Variants in NOTO observed in about 807,000 individuals in gnomAD.
NOTO encodes the protein homeobox protein notochord.
Under a neutral mutation model 20.5 loss-of-function variants are expected in NOTO, and 19 were observed. The ratio of observed to expected loss-of-function variants is 0.93; its 90% CI spans 0.65 to 1.36. NOTO has a LOEUF of 1.36. Among genes scored for constraint, NOTO ranks in the 40% most tolerant of loss-of-function variants. The pLI is 0.00. For missense variants in NOTO, 369 were observed against 336.2 expected (o/e 1.10, Z -0.76); for synonymous variants, 150 against 150.2 (o/e 1.00, Z 0.01).
chr2:73,206,501 A>C (rs897676517), intron 1 of NOTO, among the ~76,000 whole-genome samples: 15 of 151,970 alleles, frequency 9.9e-5, no homozygotes, highest in African/African-American at 3.6e-4. Context: ...ACCACACCTG[A>C]CTAATTTTTG....
rs1414794789 is a variant in NOTO, at chr2:73,202,801, C to G, written c.135C>G (p.Phe45Leu). 3.3e-6 allele frequency: 5 copies of G among 1,526,516 alleles called. No homozygotes were observed. The African/African-American group carries it at 7.0e-5, about 22-fold the overall frequency. 94.6% of individuals were successfully genotyped at this position (1,526,516 alleles called of 1,614,324 possible). ...ACACGCCCCGCGCTCCCGGACGCTT[C>G]GAGTCCCCTTTCTCGGTCGAGGCCA... is the stretch of plus-strand genomic sequence containing the variant. ...GPNTPRAPGR[F>L]ESPFSVEAIL... The change falls in exon 1 of 3, where the codon TTC (phenylalanine) becomes TTG (leucine). Residue 45 changes from phenylalanine to leucine, a missense_variant. Transcript: ENST00000398468.
chr2:73,209,431 C>T (rs947927448), intron 2 of NOTO, among the ~76,000 whole-genome samples: 6 of 152,132 alleles, frequency 3.9e-5, no homozygotes, highest in African/African-American at 1.4e-4. Flanking sequence ...CTCTAATAAC[C>T]TCCATGTTGC....
intron 1 of NOTO, 63 bp from the exon 2 acceptor site, chr2:73,208,336 AG>A: frequency 8.8e-7 from 1 of 1,135,532 alleles, no homozygotes; most frequent in Non-Finnish European, 1.3e-6. Flanking sequence ...ATGGGAGTGC[AG>A]GGGGCTTCTG....
chr2:73,202,783 C>T lies in NOTO; in HGVS notation c.117C>T (p.Pro39=), dbSNP rs1349635278. The T allele has an allele frequency of 6.6e-7, 1 of 1,524,322 alleles. No individual in the cohort carries two copies. The highest frequency in any genetic ancestry group is 1.4e-5 in the African/African-American group (1 of 70,428). The allele number at this position is 1,524,322 out of a possible 1,614,324, so 94.4% of individuals were successfully genotyped here. A position where few individuals can be genotyped will look rare whatever the true frequency, so the allele number is the denominator to read the frequency against. ...GGTCCCCTACTGGCCCGAACACGCC[C>T]CGCGCTCCCGGACGCTTCGAGTCCC... ...APRSPTGPNT[P]RAPGRFESPF... is the part of the protein sequence containing the mutation. The change falls in exon 1 of 3, where the codon CCC becomes CCT. Residue 39 remains proline (P), a synonymous_variant. Transcript: ENST00000398468.
chr2:73,208,301 G>T, intron 1 of NOTO, 99 bp from the exon 2 acceptor site: 2 of 734,128 alleles, frequency 2.7e-6, no homozygotes, highest in East Asian at 5.4e-5. Context: ...TAGCAGAGCT[G>T]TGTGTGCCTT....
intron 1 of NOTO, among the ~76,000 whole-genome samples, chr2:73,205,886 A>G (rs1165931751): frequency 1.3e-5 from 2 of 152,086 alleles, no homozygotes; most frequent in African/African-American, 2.4e-5. Flanking sequence ...GGCATGCGCT[A>G]CCATACTCGA....
chr2:73,209,585 A>C (rs920230046), intron 2 of NOTO, among the ~76,000 whole-genome samples: 2 of 152,144 alleles, frequency 1.3e-5, no homozygotes, highest in African/African-American at 4.8e-5. Flanking sequence ...TTTTCCTCCC[A>C]GCTCTGCCTC....
At position 73,208,389 on chromosome 2, in the gene NOTO, T is replaced by C; in HGVS notation, c.383-11T>C. The C allele has an allele frequency of 6.5e-7, 1 of 1,545,752 alleles. No homozygotes were observed. The highest frequency in any genetic ancestry group is 8.8e-7 in the Non-Finnish European group (1 of 1,142,040). On this transcript the variant is annotated splice_polypyrimidine_tract_variant and intron_variant, in intron 1 of 2. Coordinates refer to ENST00000398468, the MANE Select transcript of NOTO (RefSeq NM_001134462.2). ...GCTGGATAACCTCCCCTGCTGCTGG[T>C]TGCTCTTTAGGGTTGGAGCTGGCTC...
At chr2:73,203,569 T>C (rs541922162) in intron 1 of NOTO, among the ~76,000 whole-genome samples, 1 of 152,304 alleles carries the variant, frequency 6.6e-6, no homozygotes, top group South Asian at 2.1e-4. Flanking sequence ...CCGCCTCCAC[T>C]GCTCACGTCT....
chr2:73,206,668 G>C (rs978477164), intron 1 of NOTO, among the ~76,000 whole-genome samples: 2 of 151,814 alleles, frequency 1.3e-5, no homozygotes, highest in African/African-American at 2.4e-5. Flanking sequence ...GACATCTCTG[G>C]AAGTAGGGAT....
chr2:73,208,697 G>A, intron 2 of NOTO, 83 bp downstream of exon 2: 1 of 863,270 alleles, frequency 1.2e-6, no homozygotes, highest in Non-Finnish European at 1.9e-6. Context: ...GAGGGTGGGA[G>A]GAAGATATGG....
chr2:73,208,681 T>C (rs1686125754), intron 2 of NOTO, 67 bp downstream of exon 2: 2 of 1,043,526 alleles, frequency 1.9e-6, no homozygotes, highest in Non-Finnish European at 1.4e-6. Context: ...AGCAAGGCCC[T>C]AAAAGGAGGG....
chr2:73,210,847 A>G lies in NOTO; in HGVS notation c.674A>G (p.Glu225Gly), dbSNP rs967569433. 14 of 1,551,494 alleles carry G rather than the reference A, an allele frequency of 9.0e-6. No homozygotes were observed. Among genetic ancestry groups the G allele is most frequent in the Admixed American group, 2.0e-5 (1 of 50,976 alleles). ...QKLRAAVTSA[E>G]AASLDEPSSS... ...CTGAGGGCAGCAGTTACATCTGCCG[A>G]GGCTGCCTCCCTGGATGAGCCTTCC... The change falls in exon 3 of 3, where the codon GAG (glutamate) becomes GGG (glycine). Residue 225 changes from glutamate (E) to glycine (G), a missense_variant. Coordinates refer to ENST00000398468, the MANE Select transcript of NOTO (RefSeq NM_001134462.2).
chr2:73,209,217 G>C (rs1185698769), intron 2 of NOTO, among the ~76,000 whole-genome samples: 1 of 150,208 alleles, frequency 6.7e-6, no homozygotes, highest in Non-Finnish European at 1.5e-5. Flanking sequence ...AAATTAAGTA[G>C]ATATTAAAGA....
chr2:73,209,190 A>G lies in NOTO; in HGVS notation c.597+576A>G, dbSNP rs182926298. On this transcript the variant is annotated intron_variant, in intron 2 of 2. Transcript: ENST00000398468. The stretch of plus-strand genomic sequence containing the variant: ...AGCCCGTCTCAAAAAAAAAAAAAAA[A>G]AAGAAGAAGAAGAAAAAAATTAAGT... Among the ~76,000 whole-genome samples the G allele has an allele frequency of 6.1e-4, 92 of 151,752 alleles. 1 individual carries two copies. The East Asian group carries it at 0.011, about 18-fold the overall frequency.
chr2:73,208,925 G>A (rs1038748370), intron 2 of NOTO, among the ~76,000 whole-genome samples: 1 of 152,098 alleles, frequency 6.6e-6, no homozygotes, highest in African/African-American at 2.4e-5. Context: ...GGTGGCTCAC[G>A]CCTCTAATCC....
chr2:73,202,651 G>A lies in NOTO; in HGVS notation c.-16G>A, dbSNP rs1686019015. ...CGAGCTCCCTTCCTTGCGTCCGTCC[G>A]GGCAACGGCCGCGTCATGCCTAGCC... is the stretch of plus-strand genomic sequence containing the variant. On this transcript the variant is annotated 5_prime_UTR_variant, in exon 1 of 3. Coordinates refer to ENST00000398468, the MANE Select transcript of NOTO (RefSeq NM_001134462.2). 1.4e-6 allele frequency: 2 copies of A among 1,435,276 alleles called. No homozygotes were observed. The highest frequency in any genetic ancestry group is 2.9e-5 in the South Asian group (2 of 70,148). The allele number at this position is 1,435,276 out of a possible 1,614,324, so 88.9% of individuals were successfully genotyped here.
At chr2:73,207,345 A>G (rs1468565226) in intron 1 of NOTO, among the ~76,000 whole-genome samples, 1 of 152,154 alleles carries the variant, frequency 6.6e-6, no homozygotes, top group African/African-American at 2.4e-5. Flanking sequence ...GGACTCCCCA[A>G]GGCTAGTGGG....
chr2:73,202,998 C>T lies in NOTO; in HGVS notation c.332C>T (p.Pro111Leu). ...CTGAGCGTAGGTTTTTACCCTGTGCCAGGGCCGCGCGTGGCTCCCGTCTGC... is the reference window on the plus strand; with the variant it reads ...CTGAGCGTAGGTTTTTACCCTGTGCTAGGGCCGCGCGTGGCTCCCGTCTGC... ...AYLSVGFYPV[P>L]GPRVAPVCGL... The change falls in exon 1 of 3, where the codon CCA becomes CTA. Residue 111 changes from proline to leucine, a missense_variant. By Grantham distance (98) the Pro-to-Leu change is moderately conservative. Transcript: ENST00000398468. The T allele has an allele frequency of 6.9e-7, 1 of 1,443,700 alleles. No homozygotes were observed. The highest frequency in any genetic ancestry group is 9.1e-7 in the Non-Finnish European group (1 of 1,098,788). The allele number at this position is 1,443,700 out of a possible 1,614,324, so 89.4% of individuals were successfully genotyped here. A position where few individuals can be genotyped will look rare whatever the true frequency, so the allele number is the denominator to read the frequency against.
Sources: allele counts gnomAD v4.1 joint callset (sites outside exome capture counted in the v4.1 genomes callset), GRCh38; gene constraint gnomAD v4.1.1; transcripts MANE v1.5; gene names NCBI Gene and HGNC (gene_info 2026-07-23, HGNC 2026-07-21).